SUN1: variants seen among roughly 807,000 people sequenced by gnomAD.
The protein encoded by SUN1 is Sad1 and UNC84 domain containing 1.
SUN1 carries 61 observed loss-of-function variants against 103.2 expected under a neutral mutation model. The ratio of observed to expected loss-of-function variants is 0.59; its 90% CI spans 0.48 to 0.73. The LOEUF (loss-of-function observed/expected upper bound fraction) is 0.73. Among genes scored for constraint, SUN1 ranks in the 30% least tolerant of loss-of-function variants. SUN1 has a pLI of 0.00. For synonymous variants in SUN1, 490 were observed against 425.7 expected, an observed-to-expected ratio of 1.15 and a Z score of -1.86; for missense variants, 1,052 against 1,034.6, an observed-to-expected ratio of 1.02 and a Z score of -0.23.
intron 3 of SUN1, chr7:842,788 T>G: frequency 3.7e-6 from 1 of 267,648 alleles, no homozygotes; most frequent in Non-Finnish European, 7.3e-6. Context: ...AGAGATCACA[T>G]GTGCTAATTT....
At position 869,459 on chromosome 7, in the gene SUN1, T is replaced by G. The variant is rs1444415381; in HGVS notation, c.2091T>G (p.Pro697=). 5 of 1,613,898 alleles carry G rather than the reference T, an allele frequency of 3.1e-6. No homozygotes were observed. Among genetic ancestry groups the G allele is most frequent in the Middle Eastern group, 1.7e-4 (1 of 6,052 alleles). The change falls in exon 17 of 19, where the codon CCT becomes CCG. Residue 697 remains proline (P), a synonymous_variant. Transcript: ENST00000401592. ...CCGCCTTCACTCTGGAGCACATCCC[T>G]AAGACGCTGTCGCCAACAGGCAACA... is the stretch of plus-strand genomic sequence containing the variant. ...HPAAFTLEHI[P]KTLSPTGNIS...
chr7:856,453 T>C (rs759246726), intron 12 of SUN1, 52 bp downstream of exon 12: 57 of 1,603,002 alleles, frequency 3.6e-5, no homozygotes, highest in Non-Finnish European at 4.7e-5. Context: ...TGTGTGTGGT[T>C]ATGTGGAGCG....
chr7:832,143 A>G (rs11771376), upstream of SUN1: 42,156 of 952,556 alleles, frequency 0.044, 1,020 homozygotes, highest in Middle Eastern at 0.049. Flanking sequence ...TGATTTCAGA[A>G]GACCGAGAAC....
chr7:856,100 G>A (rs1257085043), intron 11 of SUN1, among the ~76,000 whole-genome samples: 2 of 152,178 alleles, frequency 1.3e-5, no homozygotes, highest in African/African-American at 2.4e-5. Context: ...CTCCCAACCC[G>A]GGTGCTGGTT....
chr7:874,905 TG>T lies in SUN1; in HGVS notation c.*1577del, dbSNP rs1234365288. 11 of 152,244 alleles carry T rather than the reference TG, an allele frequency of 7.2e-5. No individual in the cohort carries two copies. The highest frequency in any genetic ancestry group is 2.9e-5 in the Non-Finnish European group (2 of 68,048). 9.4% of individuals were successfully genotyped at this position (152,244 alleles called of 1,614,324 possible). On this transcript the variant is annotated 3_prime_UTR_variant, in exon 19 of 19. Transcript: ENST00000401592. ...AAGAGTTTTAATTTTTAAAAGGGCA[TG>T]GGATATAAACAGTCTATTTCTTTTC...
At chr7:865,788 G>A (rs1456305288) in intron 15 of SUN1, among the ~76,000 whole-genome samples, 164 bp from the exon 16 acceptor site, 1 of 152,200 alleles carries the variant, frequency 6.6e-6, no homozygotes, top group Non-Finnish European at 1.5e-5. Context: ...TTGTAACTGG[G>A]GGGAGAAGAG....
At chr7:823,021 C>T (rs555621621) in intron 1 of SUN1, among the ~76,000 whole-genome samples, 56 of 152,330 alleles carry the variant, frequency 3.7e-4, no homozygotes, top group Non-Finnish European at 5.4e-4. Flanking sequence ...CCTGTGGCCA[C>T]GCATGAATTC....
chr7:857,811 T>C lies in SUN1; in HGVS notation c.1395-17T>C. 1 of 1,565,646 alleles carries C rather than the reference T, an allele frequency of 6.4e-7. No individual in the cohort carries two copies. The highest frequency in any genetic ancestry group is 8.7e-7 in the Non-Finnish European group (1 of 1,149,158). ...TGGGAGGCTTGTGTGTGACCCATTC[T>C]CACTGTTGGATTCCAGTGCGGTTGG... is the stretch of plus-strand genomic sequence containing the variant. On this transcript the variant is annotated splice_polypyrimidine_tract_variant and intron_variant, in intron 12 of 18. Transcript: ENST00000401592.
At chr7:832,844 G>T in intron 1 of SUN1, 1 of 484,646 alleles carries the variant, frequency 2.1e-6, no homozygotes, top group Non-Finnish European at 3.7e-6. Flanking sequence ...TGCTGGCTTC[G>T]ACCCCACCCA....
intron 1 of SUN1, 47 bp downstream of exon 1, chr7:832,648 C>A: frequency 6.6e-7 from 1 of 1,507,914 alleles, no homozygotes. Flanking sequence ...AATGCCCACT[C>A]GCTGTCGCGG....
intron 13 of SUN1, among the ~76,000 whole-genome samples, chr7:859,540 G>GT (rs1286492223): frequency 2.6e-5 from 4 of 152,236 alleles, no homozygotes; most frequent in Admixed American, 6.5e-5. Flanking sequence ...TTGTTAGGGG[G>GT]TGTGGGCTAG....
intron 10 of SUN1, among the ~76,000 whole-genome samples, chr7:854,087 C>T (rs1167747973): frequency 1.3e-5 from 2 of 152,250 alleles, no homozygotes; most frequent in Non-Finnish European, 2.9e-5. Flanking sequence ...GGAACCTCTG[C>T]TTCAGAGGAT....
chr7:849,907 G>A, intron 5 of SUN1: 1 of 1,587,488 alleles, frequency 6.3e-7, no homozygotes, highest in Non-Finnish European at 8.5e-7. Flanking sequence ...CTCACTGCCT[G>A]TCACCACACC....
rs1281923276 is a variant in SUN1 at position 847,020 on chromosome 7, T to A, written c.658+3500T>A. 1.1e-4 allele frequency among the ~76,000 whole-genome samples: 17 copies of A among 152,264 alleles called. No homozygotes were observed. The East Asian group carries it at 2.3e-3, about 21-fold the overall frequency. ...GCTTATCTCTAAAAAAAATTAAAAA[T>A]AAAAATAATAAATAGCAAAGGAGGA... On this transcript the variant is annotated intron_variant, in intron 5 of 18. Coordinates refer to ENST00000401592, the MANE Select transcript of SUN1 (RefSeq NM_001130965.3).
intron 6 of SUN1, 140 bp from the exon 7 acceptor site, chr7:851,810 G>A (rs559635273): frequency 3.8e-6 from 3 of 792,952 alleles, no homozygotes; most frequent in South Asian, 3.4e-5. Context: ...TTCCTGCCGT[G>A]GCGACTAGCA....
intron 1 of SUN1, chr7:832,820 C>G (rs955929315): frequency 5.7e-6 from 3 of 527,908 alleles, no homozygotes; most frequent in Admixed American, 6.7e-5. Context: ...GGTGGTTAGT[C>G]ATCGCACATG....
intron 1 of SUN1, among the ~76,000 whole-genome samples, chr7:826,726 A>T (rs536500558): frequency 6.6e-6 from 1 of 152,178 alleles, no homozygotes; most frequent in Non-Finnish European, 1.5e-5. Context: ...GCTGCGTCTC[A>T]CTGGGCTCCC....
intron 15 of SUN1, among the ~76,000 whole-genome samples, chr7:862,177 A>C (rs1413371374): frequency 6.6e-6 from 1 of 152,182 alleles, no homozygotes; most frequent in Non-Finnish European, 1.5e-5. Context: ...TGGTTTTCTG[A>C]ATTTTTTAAA....
chr7:818,799 C>T (rs1368186984), intron 1 of SUN1, among the ~76,000 whole-genome samples: 1 of 152,016 alleles, frequency 6.6e-6, no homozygotes, highest in East Asian at 1.9e-4. Context: ...AGAATTGTTT[C>T]ATGTTCATGT....
Sources: gnomAD v4.1 joint callset for allele counts (sites outside exome capture counted in the v4.1 genomes callset) on GRCh38, gnomAD v4.1.1 for gene constraint, MANE v1.5 for transcripts, NCBI Gene and HGNC (gene_info 2026-07-23, HGNC 2026-07-21) for gene names.